The following NFKB1 variants were observed in gnomAD, a reference collection of about 807,000 sequenced individuals.
NFKB1 encodes nuclear factor kappa B subunit 1.
A neutral mutation model predicts 105.1 loss-of-function variants in NFKB1; 9 were observed. The ratio of observed to expected loss-of-function variants is 0.09; its 90% CI spans 0.05 to 0.15. The LOEUF is 0.15. Ranked by LOEUF, NFKB1 falls within the 10% of genes least tolerant of loss-of-function variation. The pLI is 1.00. For missense variants in NFKB1, 830 were observed against 1,203.7 expected (o/e 0.69, Z 4.59); for synonymous variants, 440 against 442.2 (o/e 1.00, Z 0.06).
intron 16 of NFKB1, among the ~76,000 whole-genome samples, chr4:102,603,349 G>T (rs1000669556): frequency 4.6e-5 from 7 of 151,934 alleles, no homozygotes; most frequent in African/African-American, 1.7e-4. Flanking sequence ...GGGATTACAG[G>T]CATGAGCCAC....
chr4:102,577,160 C>T (rs1400241706), intron 7 of NFKB1, 121 bp downstream of exon 7: 9 of 1,034,816 alleles, frequency 8.7e-6, no homozygotes, highest in Middle Eastern at 3.1e-4. Flanking sequence ...GTCACCTTTT[C>T]CTTGCTCAGA....
chr4:102,547,886 A>T (rs1722258391), intron 5 of NFKB1, among the ~76,000 whole-genome samples: 1 of 152,178 alleles, frequency 6.6e-6, no homozygotes, highest in African/African-American at 2.4e-5. Context: ...TTTCTTTTAG[A>T]TGTAACACAT....
chr4:102,613,461 C>G lies in NFKB1; in HGVS notation c.2629C>G (p.Leu877Val). 1 of 1,613,932 alleles carries G rather than the reference C, an allele frequency of 6.2e-7. No individual in the cohort carries two copies. The highest frequency in any genetic ancestry group is 8.5e-7 in the Non-Finnish European group (1 of 1,179,976). ...TACAGTCAGAGAGCTGGTGGAGGCC[C>G]TGAGACAAATGGGCTACACCGAAGC... is the stretch of plus-strand genomic sequence containing the variant. ...GGTVRELVEALRQMGYTEAIE... is the reference protein window; with the variant it reads ...GGTVRELVEAVRQMGYTEAIE... Residue 877 changes from leucine (L) to valine (V), a missense_variant, in exon 23 of 24, where the codon CTG becomes GTG. This residue lies in a region of NFKB1 where 418 missense variants were observed against 575.3 expected (regional missense o/e 0.73). Coordinates refer to ENST00000226574, the MANE Select transcript of NFKB1 (RefSeq NM_003998.4).
chr4:102,602,065 G>A (rs1355388921), intron 16 of NFKB1, among the ~76,000 whole-genome samples: 1 of 152,040 alleles, frequency 6.6e-6, no homozygotes, highest in Non-Finnish European at 1.5e-5. Flanking sequence ...TATTTACTTA[G>A]TAAAGATATT....
intron 5 of NFKB1, among the ~76,000 whole-genome samples, chr4:102,552,521 A>G (rs1001376160): frequency 2.0e-5 from 3 of 152,328 alleles, no homozygotes; most frequent in Non-Finnish European, 4.4e-5. Context: ...TTGTATTACA[A>G]TAAGTAATTT....
chr4:102,538,471 A>T (rs1741782715), intron 5 of NFKB1, among the ~76,000 whole-genome samples: 1 of 152,202 alleles, frequency 6.6e-6, no homozygotes, highest in Admixed American at 6.5e-5. Context: ...ATACTTCATA[A>T]GGTCCTTTAG....
At chr4:102,577,350 C>G (rs1430461147) in intron 7 of NFKB1, among the ~76,000 whole-genome samples, 1 of 152,150 alleles carries the variant, frequency 6.6e-6, no homozygotes, top group African/African-American at 2.4e-5. Context: ...TTGTATGTGT[C>G]TTCCTTTACC....
At chr4:102,609,010 A>G (rs1728103119) in intron 19 of NFKB1, among the ~76,000 whole-genome samples, 1 of 152,046 alleles carries the variant, frequency 6.6e-6, no homozygotes, top group Admixed American at 6.6e-5. Flanking sequence ...AAAAGTAGCC[A>G]GGCATGGTGG....
chr4:102,512,259 G>A (rs1287716385), intron 1 of NFKB1, among the ~76,000 whole-genome samples: 1 of 152,220 alleles, frequency 6.6e-6, no homozygotes, highest in Non-Finnish European at 1.5e-5. Context: ...CACATCTGAT[G>A]TTATCAGACA....
intron 5 of NFKB1, among the ~76,000 whole-genome samples, chr4:102,555,092 T>C (rs893230838): frequency 6.6e-6 from 1 of 152,124 alleles, no homozygotes; most frequent in Non-Finnish European, 1.5e-5. Flanking sequence ...ATTCCAAAAG[T>C]TAATCAGCTT....
At chr4:102,513,447 A>G (rs1739907627) in intron 1 of NFKB1, among the ~76,000 whole-genome samples, 1 of 152,244 alleles carries the variant, frequency 6.6e-6, no homozygotes, top group African/African-American at 2.4e-5. Flanking sequence ...TAAAATGCCC[A>G]AAACATCTTT....
At chr4:102,506,407 A>T (rs1739419345) in intron 1 of NFKB1, among the ~76,000 whole-genome samples, 1 of 152,180 alleles carries the variant, frequency 6.6e-6, no homozygotes, top group Non-Finnish European at 1.5e-5. Flanking sequence ...TCACCCATAA[A>T]TCTGTGACTG....
chr4:102,574,660 C>A (rs1724666287), intron 6 of NFKB1, among the ~76,000 whole-genome samples: 1 of 152,094 alleles, frequency 6.6e-6, no homozygotes, highest in Non-Finnish European at 1.5e-5. Context: ...CAGGGTTCAC[C>A]TTATTTATTT....
chr4:102,594,787 C>A (rs569358680), intron 12 of NFKB1, 105 bp from the exon 13 acceptor site: 4 of 734,246 alleles, frequency 5.4e-6, no homozygotes, highest in South Asian at 1.8e-5. Context: ...CAATACTGTC[C>A]TGTCACACCA....
At chr4:102,554,230 G>T (rs1722819977) in intron 5 of NFKB1, among the ~76,000 whole-genome samples, 1 of 152,152 alleles carries the variant, frequency 6.6e-6, no homozygotes, top group South Asian at 2.1e-4. Flanking sequence ...GCCACCTACT[G>T]CAGCACTAAA....
intron 1 of NFKB1, among the ~76,000 whole-genome samples, chr4:102,522,003 C>T (rs1740606200): frequency 6.6e-6 from 1 of 152,134 alleles, no homozygotes; most frequent in Non-Finnish European, 1.5e-5. Flanking sequence ...GAGATTAGTC[C>T]CATCTTCTCC....
intron 6 of NFKB1, among the ~76,000 whole-genome samples, chr4:102,567,731 T>C (rs1267175013): frequency 2.0e-5 from 3 of 152,202 alleles, no homozygotes. Flanking sequence ...GTTGATCAAA[T>C]AAAACAAGCA....
chr4:102,567,264 TA>T, intron 6 of NFKB1, 129 bp downstream of exon 6: 5 of 971,272 alleles, frequency 5.1e-6, no homozygotes, highest in East Asian at 2.5e-5. Flanking sequence ...AAAAACTGTG[TA>T]AACTTGTGCT....
At chr4:102,522,720 G>A (rs944858053) in intron 1 of NFKB1, among the ~76,000 whole-genome samples, 5 of 152,092 alleles carry the variant, frequency 3.3e-5, no homozygotes, top group African/African-American at 1.2e-4. Flanking sequence ...AGGACCATAG[G>A]CTAATATTAT....
Sources: allele counts gnomAD v4.1 joint callset (sites outside exome capture counted in the v4.1 genomes callset), GRCh38; gene constraint gnomAD v4.1.1; regional missense constraint gnomAD v4.1.1; transcripts MANE v1.5; gene names NCBI Gene and HGNC (gene_info 2026-07-23, HGNC 2026-07-21).